The following NOVA1 variants were observed in gnomAD, a reference collection of about 807,000 sequenced individuals.
The protein encoded by NOVA1 is NOVA alternative splicing regulator 1, also known as RNA-binding protein Nova-1.
Under a neutral mutation model 38.0 loss-of-function variants are expected in NOVA1, and 7 were observed. The ratio of observed to expected loss-of-function variants is 0.18; its 90% CI spans 0.10 to 0.35. NOVA1 has a LOEUF of 0.35. NOVA1 is among the 10% of genes least tolerant of loss of function. The probability of loss-of-function intolerance (pLI) is 1.00; values close to 1 mark genes in which losing one functional copy is unlikely to be tolerated. For missense variants in NOVA1, 460 were observed against 616.0 expected (o/e 0.75, Z 2.68); for synonymous variants, 270 against 232.5 (o/e 1.16, Z -1.47).
chr14:26,491,899 T>C (rs1886377087), intron 2 of NOVA1, among the ~76,000 whole-genome samples: 1 of 152,150 alleles, frequency 6.6e-6, no homozygotes, highest in South Asian at 2.1e-4. Context: ...TCAATATTGT[T>C]TTATCTATTC....
chr14:26,497,076 C>T (rs191906325), intron 2 of NOVA1, among the ~76,000 whole-genome samples: 57 of 152,112 alleles, frequency 3.7e-4, no homozygotes, highest in Admixed American at 1.4e-3. Flanking sequence ...TCTATATAAG[C>T]TGATAAGCAA....
chr14:26,450,700 G>A (rs954889812), intron 4 of NOVA1, among the ~76,000 whole-genome samples: 1 of 152,016 alleles, frequency 6.6e-6, no homozygotes, highest in South Asian at 2.1e-4. Flanking sequence ...AAGTTAATGT[G>A]TTACAATTAG....
At chr14:26,565,538 G>A (rs912303449) in intron 2 of NOVA1, among the ~76,000 whole-genome samples, 4 of 151,788 alleles carry the variant, frequency 2.6e-5, no homozygotes, top group Admixed American at 1.3e-4. Context: ...TGGCTTCCAC[G>A]TAAAAAGACA....
At chr14:26,458,929 G>C (rs1334906356) in intron 4 of NOVA1, among the ~76,000 whole-genome samples, 2 of 151,994 alleles carry the variant, frequency 1.3e-5, no homozygotes, top group African/African-American at 2.4e-5. Context: ...GAGCCAAAAA[G>C]TAAAAACATT....
intron 2 of NOVA1, among the ~76,000 whole-genome samples, chr14:26,536,287 C>G (rs921755625): frequency 6.6e-6 from 1 of 151,552 alleles, no homozygotes; most frequent in Non-Finnish European, 1.5e-5. Flanking sequence ...ATAAGACCTA[C>G]TATTTGATAG....
chr14:26,584,002 C>T (rs1199825871), intron 2 of NOVA1, among the ~76,000 whole-genome samples: 1 of 151,282 alleles, frequency 6.6e-6, no homozygotes, highest in Non-Finnish European at 1.5e-5. Flanking sequence ...GAAAGGCCTA[C>T]ATATTGAATG....
At chr14:26,464,569 G>A (rs913279669) in intron 4 of NOVA1, among the ~76,000 whole-genome samples, 44 of 151,944 alleles carry the variant, frequency 2.9e-4, no homozygotes, top group African/African-American at 1.1e-3. Flanking sequence ...CTATTTGTAC[G>A]CCACTTTTAT....
intron 2 of NOVA1, among the ~76,000 whole-genome samples, chr14:26,486,985 AAT>A (rs1391988408): frequency 6.6e-6 from 1 of 152,106 alleles, no homozygotes; most frequent in African/African-American, 2.4e-5. Context: ...AATCACCCAT[AAT>A]AGTCTATATA....
chr14:26,494,466 G>A (rs1254661724), intron 2 of NOVA1, among the ~76,000 whole-genome samples: 1 of 152,142 alleles, frequency 6.6e-6, no homozygotes, highest in East Asian at 1.9e-4. Flanking sequence ...TAGGTGTAGA[G>A]GCAGACATTA....
chr14:26,501,738 A>G (rs1887257620), intron 2 of NOVA1, among the ~76,000 whole-genome samples: 1 of 151,964 alleles, frequency 6.6e-6, no homozygotes, highest in African/African-American at 2.4e-5. Flanking sequence ...ATTTGGTACA[A>G]AAGATTTTAA....
At chr14:26,547,647 A>C (rs1487288250) in intron 2 of NOVA1, among the ~76,000 whole-genome samples, 1 of 152,130 alleles carries the variant, frequency 6.6e-6, no homozygotes, top group East Asian at 1.9e-4. Context: ...AGTATATAAA[A>C]CATATAATCT....
intron 2 of NOVA1, among the ~76,000 whole-genome samples, chr14:26,543,498 A>C (rs899617388): frequency 6.6e-6 from 1 of 151,986 alleles, no homozygotes; most frequent in Non-Finnish European, 1.5e-5. Flanking sequence ...CACATGAAAC[A>C]AAGTATTAAT....
rs147280024 is a variant in NOVA1, at chr14:26,485,044, T to C, written c.281-4901A>G. On this transcript the variant is annotated intron_variant, in intron 2 of 4. Coordinates refer to ENST00000539517, the MANE Select transcript of NOVA1 (RefSeq NM_002515.3). The stretch of plus-strand genomic sequence containing the variant: ...AGAGAAATAAAACACAGAGAAAGAA[T>C]AGTAAAAGAAAATAACTGTTATGAA... Among the ~76,000 whole-genome samples, 267 of 151,820 alleles carry C rather than the reference T, an allele frequency of 1.8e-3. 1 individual carries two copies. The highest frequency in any genetic ancestry group is 6.2e-3 in the African/African-American group (255 of 41,394).
At chr14:26,481,844 G>A (rs944849475) in intron 2 of NOVA1, among the ~76,000 whole-genome samples, 1 of 151,974 alleles carries the variant, frequency 6.6e-6, no homozygotes, top group Non-Finnish European at 1.5e-5. Context: ...AGAAAGGATA[G>A]GAACTGATCA....
chr14:26,484,355 G>A (rs540996408), intron 2 of NOVA1, among the ~76,000 whole-genome samples: 1 of 139,030 alleles, frequency 7.2e-6, no homozygotes, highest in Non-Finnish European at 1.5e-5. Context: ...AGAATGACGC[G>A]AACCCGTGAG....
intron 2 of NOVA1, among the ~76,000 whole-genome samples, chr14:26,534,997 C>A (rs1889968224): frequency 6.6e-6 from 1 of 152,002 alleles, no homozygotes; most frequent in African/African-American, 2.4e-5. Context: ...AACTTTTGGC[C>A]ATCAGAACTG....
At chr14:26,482,563 T>C (rs1885553432) in intron 2 of NOVA1, among the ~76,000 whole-genome samples, 1 of 152,200 alleles carries the variant, frequency 6.6e-6, no homozygotes, top group Admixed American at 6.5e-5. Context: ...TAAACTAAAC[T>C]GCCTGTTATT....
intron 4 of NOVA1, among the ~76,000 whole-genome samples, chr14:26,467,416 G>A (rs1884233075): frequency 6.6e-6 from 1 of 152,162 alleles, no homozygotes; most frequent in African/African-American, 2.4e-5. Context: ...TTTGACTGAA[G>A]TGGATTTAAG....
chr14:26,484,428 G>GA (rs869087238), intron 2 of NOVA1, among the ~76,000 whole-genome samples: 18 of 56,460 alleles, frequency 3.2e-4, no homozygotes, highest in African/African-American at 1.2e-3. Flanking sequence ...ACTCCGTCTC[G>GA]AAAAAAAAAA....
Sources: gnomAD v4.1 joint callset for allele counts (sites outside exome capture counted in the v4.1 genomes callset) on GRCh38, gnomAD v4.1.1 for gene constraint, MANE v1.5 for transcripts, NCBI Gene and HGNC (gene_info 2026-07-23, HGNC 2026-07-21) for gene names.